PLCB1: variants seen among roughly 807,000 people sequenced by gnomAD.
PLCB1 encodes the protein phospholipase C beta 1.
In PLCB1, 46 loss-of-function variants were observed where a neutral mutation model predicts 161.8. The observed-to-expected ratio is 0.28, with a 90% CI of 0.22 to 0.36. The LOEUF (loss-of-function observed/expected upper bound fraction) is 0.36, where lower values mean the gene tolerates loss of function less well. Among genes scored for constraint, PLCB1 ranks in the 10% least tolerant of loss-of-function variants. The pLI, the probability that PLCB1 is intolerant of heterozygous loss-of-function variation, is 1.00. For synonymous variants in PLCB1, 517 were observed against 503.7 expected (o/e 1.03, Z -0.35); for missense variants, 1,016 against 1,472.5 (o/e 0.69, Z 5.07).
At chr20:8,501,864 C>CATATATAT (rs36226867) in intron 3 of PLCB1, among the ~76,000 whole-genome samples, 5 of 104,710 alleles carry the variant, frequency 4.8e-5, no homozygotes, top group East Asian at 3.0e-4. Flanking sequence ...AGATATATCG[C>CATATATAT]ATATATATAT....
Position 8,132,568 on chromosome 20 carries a change from C to A in PLCB1, c.-84C>A. ...GCGCCTCCGGAGCAGAGAAAGGAGC[C>A]CGCGCCCCGCGCCCCGCGCCCCGCG... On this transcript the variant is annotated 5_prime_UTR_variant, in exon 1 of 32. Coordinates refer to ENST00000338037, the MANE Select transcript of PLCB1 (RefSeq NM_015192.4). The surrounding 1 kb of genome is among the most constrained non-coding windows in gnomAD (Gnocchi z 5.2). 1 of 806,280 alleles carries A rather than the reference C, an allele frequency of 1.2e-6. No homozygotes were observed. The highest frequency in any genetic ancestry group is 1.8e-6 in the Non-Finnish European group (1 of 552,832). The allele number at this position is 806,280 out of a possible 1,614,324, so 49.9% of individuals were successfully genotyped here. A position where few individuals can be genotyped will look rare whatever the true frequency, so the allele number is the denominator to read the frequency against.
chr20:8,291,815 G>A (rs987313018), intron 2 of PLCB1, among the ~76,000 whole-genome samples: 2 of 152,120 alleles, frequency 1.3e-5, no homozygotes, highest in African/African-American at 4.8e-5. Flanking sequence ...AATTGTCATG[G>A]TGGTATTATC....
At chr20:8,722,500 G>A (rs998309062) in intron 15 of PLCB1, 79 bp downstream of exon 15, 16 of 960,348 alleles carry the variant, frequency 1.7e-5, no homozygotes, top group Non-Finnish European at 1.9e-5. Flanking sequence ...GTCACTTTCT[G>A]CCATCTAGTG....
intron 31 of PLCB1, among the ~76,000 whole-genome samples, chr20:8,822,832 A>G (rs1009643856): frequency 1.3e-5 from 2 of 152,158 alleles, no homozygotes; most frequent in African/African-American, 4.8e-5. Context: ...GTAGAAGAGA[A>G]CAGAGATATC....
intron 3 of PLCB1, among the ~76,000 whole-genome samples, chr20:8,543,088 G>A (rs1054181447): frequency 3.9e-5 from 6 of 152,104 alleles, no homozygotes; most frequent in South Asian, 4.1e-4. Flanking sequence ...GCAGTTTATC[G>A]GAAATGCAGA....
chr20:8,454,642 G>T (rs1190990460), intron 3 of PLCB1, among the ~76,000 whole-genome samples: 1 of 152,136 alleles, frequency 6.6e-6, no homozygotes, highest in Non-Finnish European at 1.5e-5. Flanking sequence ...TGTGGAGACT[G>T]CCACTCTTAC....
Position 8,680,432 on chromosome 20 carries a change from T to C in PLCB1, c.863-4500T>C, listed in dbSNP as rs1418486712. ...ACCTACAAGATTACAAACTGACTGC[T>C]CTTTATCTTTACATTTTATTGGCTT... On this transcript the variant is annotated intron_variant, in intron 9 of 31. Coordinates refer to ENST00000338037, the MANE Select transcript of PLCB1 (RefSeq NM_015192.4). Among the ~76,000 whole-genome samples, 2 of 152,184 alleles carry C rather than the reference T, an allele frequency of 1.3e-5. 1 individual carries two copies. Among genetic ancestry groups the C allele is most frequent in the Admixed American group, 1.3e-4 (2 of 15,280 alleles).
intron 3 of PLCB1, among the ~76,000 whole-genome samples, chr20:8,550,357 A>T (rs1180918867): frequency 2.0e-5 from 3 of 152,108 alleles, no homozygotes; most frequent in Non-Finnish European, 4.4e-5. Context: ...CAAGGACAGG[A>T]CCAGGTGGAT....
chr20:8,793,537 C>A (rs1295171023), intron 31 of PLCB1, among the ~76,000 whole-genome samples: 1 of 85,846 alleles, frequency 1.2e-5, no homozygotes, highest in Non-Finnish European at 2.5e-5. Context: ...TGGTAGGATC[C>A]GTGATGCCCC....
At chr20:8,596,986 C>G (rs1328676335) in intron 3 of PLCB1, among the ~76,000 whole-genome samples, 2 of 150,698 alleles carry the variant, frequency 1.3e-5, no homozygotes, top group Non-Finnish European at 3.0e-5. Flanking sequence ...TGCTTATCAG[C>G]TTAAGGAGAT....
chr20:8,602,260 A>G lies in PLCB1; in HGVS notation c.247-26034A>G, dbSNP rs546421928. On this transcript the variant is annotated intron_variant, in intron 3 of 31. Coordinates refer to ENST00000338037, the MANE Select transcript of PLCB1 (RefSeq NM_015192.4). ...CAAGGTTGACTCTTGGTATTCCTAG[A>G]ATAGAGGCTTTTATAACAGACCTTA... 6.6e-5 allele frequency among the ~76,000 whole-genome samples: 10 copies of G among 152,286 alleles called. No individual in the cohort carries two copies. The East Asian group carries it at 1.3e-3, about 21-fold the overall frequency.
chr20:8,511,825 C>A (rs1983905815), intron 3 of PLCB1, among the ~76,000 whole-genome samples: 1 of 152,092 alleles, frequency 6.6e-6, no homozygotes, highest in Admixed American at 6.5e-5. Context: ...TATCTACTTT[C>A]AAGAAATGTC....
At chr20:8,725,258 A>G (rs544487444) in intron 16 of PLCB1, among the ~76,000 whole-genome samples, 181 of 152,306 alleles carry the variant, frequency 1.2e-3, no homozygotes, top group Non-Finnish European at 1.7e-3. Flanking sequence ...TTAACTTCAC[A>G]TCACTTTGTG....
At chr20:8,619,205 G>A (rs1297904337) in intron 3 of PLCB1, among the ~76,000 whole-genome samples, 2 of 152,092 alleles carry the variant, frequency 1.3e-5, no homozygotes, top group African/African-American at 2.4e-5. Flanking sequence ...TGGATCATGA[G>A]GTCAGGAGTT....
chr20:8,437,157 G>T (rs574223639), intron 3 of PLCB1, among the ~76,000 whole-genome samples: 1 of 152,226 alleles, frequency 6.6e-6, no homozygotes, highest in African/African-American at 2.4e-5. Flanking sequence ...GTAGCCAGGA[G>T]TAAAATAAGC....
chr20:8,136,604 C>G (rs190346552), intron 1 of PLCB1, among the ~76,000 whole-genome samples: 1 of 145,882 alleles, frequency 6.9e-6, no homozygotes, highest in African/African-American at 2.6e-5. Context: ...CCAGCCTGGG[C>G]GACAGAGCAA....
intron 18 of PLCB1, among the ~76,000 whole-genome samples, chr20:8,730,522 G>T (rs6133612): frequency 0.22 from 33,360 of 151,412 alleles, 4,245 homozygotes; most frequent in East Asian, 0.5. Flanking sequence ...ACCTGGAAGT[G>T]GTGATTCTCC....
chr20:8,275,513 C>CT (rs776666323), intron 2 of PLCB1, among the ~76,000 whole-genome samples: 3 of 152,134 alleles, frequency 2.0e-5, no homozygotes, highest in Non-Finnish European at 4.4e-5. Flanking sequence ...CAACCATTGA[C>CT]TTGGAGGAGG....
At position 8,132,555 on chromosome 20, in the gene PLCB1, C is replaced by A; in HGVS notation, c.-97C>A. The A allele has an allele frequency of 4.3e-6, 3 of 697,432 alleles. No homozygotes were observed. Among genetic ancestry groups the A allele is most frequent in the South Asian group, 5.3e-5 (2 of 37,936 alleles). 43.2% of individuals were successfully genotyped at this position (697,432 alleles called of 1,614,324 possible). A position where few individuals can be genotyped will look rare whatever the true frequency, so the allele number is the denominator to read the frequency against. On this transcript the variant is annotated 5_prime_UTR_variant, in exon 1 of 32. Coordinates refer to ENST00000338037, the MANE Select transcript of PLCB1 (RefSeq NM_015192.4). The surrounding 1 kb of genome is among the most constrained non-coding windows in gnomAD (Gnocchi z 5.2). ...GGAGCAGAGTCGAGCGCCTCCGGAG[C>A]AGAGAAAGGAGCCCGCGCCCCGCGC...
Sources: allele counts gnomAD v4.1 joint callset (sites outside exome capture counted in the v4.1 genomes callset), GRCh38; gene constraint gnomAD v4.1.1; non-coding constraint Gnocchi (gnomAD v3.1); transcripts MANE v1.5; gene names NCBI Gene and HGNC (gene_info 2026-07-23, HGNC 2026-07-21).